RAB38: variants seen among roughly 807,000 people sequenced by gnomAD.
The protein encoded by RAB38 is ras-related protein Rab-38.
Under a neutral mutation model 18.4 loss-of-function variants are expected in RAB38, and 15 were observed. The observed-to-expected ratio is 0.82, with a 90% CI of 0.55 to 1.26. The LOEUF (loss-of-function observed/expected upper bound fraction) is 1.26, where lower values mean the gene tolerates loss of function less well. RAB38 is among the 50% of genes most tolerant of loss of function. The probability of loss-of-function intolerance (pLI) is 0.00; values close to 1 mark genes in which losing one functional copy is unlikely to be tolerated. For synonymous variants in RAB38, 101 were observed against 104.4 expected, an observed-to-expected ratio of 0.97 and a Z score of 0.20; for missense variants, 294 against 267.4, an observed-to-expected ratio of 1.10 and a Z score of -0.69.
the RAB38 span, among the ~76,000 whole-genome samples, chr11:88,071,243 G>GACACACACAC: frequency 3.1e-3 from 464 of 148,518 alleles, 2 homozygotes; most frequent in Middle Eastern, 0.01. Flanking sequence ...ACTGGGGGAG[G>GACACACACAC]ACACACACAC....
chr11:88,006,879 G>A, the RAB38 span, among the ~76,000 whole-genome samples: 10 of 151,280 alleles, frequency 6.6e-5, no homozygotes, highest in Non-Finnish European at 1.2e-4. Flanking sequence ...GATGGTTAGA[G>A]ATTGGTCAAT....
At chr11:88,160,669 T>A (rs1171331782) in intron 1 of RAB38, among the ~76,000 whole-genome samples, 1 of 152,140 alleles carries the variant, frequency 6.6e-6, no homozygotes, top group East Asian at 1.9e-4. Context: ...AATAAAATCA[T>A]ATCCTTTGCA....
chr11:87,860,022 G>T, the RAB38 span, among the ~76,000 whole-genome samples: 8 of 151,976 alleles, frequency 5.3e-5, no homozygotes, highest in Admixed American at 1.3e-4. Context: ...TCAGCCTAAA[G>T]CTCATGCTCC....
At chr11:87,968,666 C>T in the RAB38 span, among the ~76,000 whole-genome samples, 1 of 152,138 alleles carries the variant, frequency 6.6e-6, no homozygotes, top group Non-Finnish European at 1.5e-5. Context: ...GAAAGTCTAG[C>T]TAAGAAAAAT....
the RAB38 span, among the ~76,000 whole-genome samples, chr11:87,835,474 G>T: frequency 6.6e-6 from 1 of 152,136 alleles, no homozygotes; most frequent in Non-Finnish European, 1.5e-5. Context: ...TCTGTTATGG[G>T]CCAAATTGTG....
the RAB38 span, among the ~76,000 whole-genome samples, chr11:88,083,779 G>C: frequency 6.6e-6 from 1 of 152,084 alleles, no homozygotes; most frequent in South Asian, 2.1e-4. Flanking sequence ...AATGAGCAAA[G>C]AGGCACTATC....
At chr11:87,977,350 T>TAA in the RAB38 span, among the ~76,000 whole-genome samples, 3 of 113,520 alleles carry the variant, frequency 2.6e-5, no homozygotes, top group Non-Finnish European at 5.0e-5. Context: ...AAATTATATA[T>TAA]TATATAAGTA....
the RAB38 span, among the ~76,000 whole-genome samples, chr11:87,831,929 G>T: frequency 6.6e-6 from 1 of 152,104 alleles, no homozygotes; most frequent in African/African-American, 2.4e-5. Context: ...CTAGGTTCAG[G>T]GTAATTAAGG....
the RAB38 span, among the ~76,000 whole-genome samples, chr11:87,959,495 C>T: frequency 6.6e-6 from 1 of 152,128 alleles, no homozygotes. Flanking sequence ...TGGAATAATT[C>T]CTCTGTGCTG....
chr11:87,935,200 C>T, the RAB38 span, among the ~76,000 whole-genome samples: 37 of 152,202 alleles, frequency 2.4e-4, 1 homozygote, highest in East Asian at 3.3e-3. Context: ...AAAACGTCTC[C>T]TCAGTCATTT....
chr11:87,835,195 G>A, the RAB38 span, among the ~76,000 whole-genome samples: 1 of 152,210 alleles, frequency 6.6e-6, no homozygotes, highest in South Asian at 2.1e-4. Flanking sequence ...ACTACACTAA[G>A]TAAATGAGCA....
At chr11:87,851,567 C>T in the RAB38 span, among the ~76,000 whole-genome samples, 1 of 152,090 alleles carries the variant, frequency 6.6e-6, no homozygotes, top group Admixed American at 6.6e-5. Context: ...AGCTATTACC[C>T]CTGTATGCAC....
At chr11:87,857,274 T>G in the RAB38 span, among the ~76,000 whole-genome samples, 42 of 152,334 alleles carry the variant, frequency 2.8e-4, no homozygotes, top group Non-Finnish European at 5.4e-4. Flanking sequence ...TGATGGACAT[T>G]TGGGTTGGTT....
At chr11:87,932,157 G>A in the RAB38 span, among the ~76,000 whole-genome samples, 1 of 151,984 alleles carries the variant, frequency 6.6e-6, no homozygotes, top group African/African-American at 2.4e-5. Flanking sequence ...AGAACATTAG[G>A]ACAAATACCT....
chr11:87,962,093 A>C, the RAB38 span, among the ~76,000 whole-genome samples: 1 of 152,220 alleles, frequency 6.6e-6, no homozygotes, highest in East Asian at 1.9e-4. Context: ...ATTATAAAGT[A>C]AGGATGGAAG....
chr11:87,910,784 G>T, the RAB38 span, among the ~76,000 whole-genome samples: 2 of 151,810 alleles, frequency 1.3e-5, no homozygotes, highest in Admixed American at 1.3e-4. Flanking sequence ...GGGATTACAG[G>T]CATGCACCAC....
the RAB38 span, among the ~76,000 whole-genome samples, chr11:88,050,614 A>G: frequency 6.6e-6 from 1 of 152,250 alleles, no homozygotes; most frequent in Non-Finnish European, 1.5e-5. Context: ...ATAAGGTGAC[A>G]GAATTGCTTT....
chr11:87,930,514 T>C, the RAB38 span, among the ~76,000 whole-genome samples: 1 of 152,196 alleles, frequency 6.6e-6, no homozygotes, highest in Non-Finnish European at 1.5e-5. Context: ...ATTCTCTAGG[T>C]TGCCTGTTCA....
the RAB38 span, among the ~76,000 whole-genome samples, chr11:87,894,736 A>G: frequency 6.7e-6 from 1 of 149,256 alleles, no homozygotes; most frequent in Admixed American, 6.8e-5. Flanking sequence ...TTATATATAT[A>G]TAAAAAATAT....
Sources: allele counts gnomAD v4.1 joint callset (sites outside exome capture counted in the v4.1 genomes callset), GRCh38; gene constraint gnomAD v4.1.1; transcripts MANE v1.5; gene names NCBI Gene and HGNC (gene_info 2026-07-23, HGNC 2026-07-21).